MAPRE3: variants seen among roughly 807,000 people sequenced by gnomAD.
The protein encoded by MAPRE3 is microtubule associated protein RP/EB family member 3, also known as microtubule-associated protein RP/EB family member 3.
In MAPRE3, 2 loss-of-function variants were observed where a neutral mutation model predicts 30.5. That is an observed-to-expected ratio of 0.07 (90% CI 0.03 to 0.21). The LOEUF is 0.21. Ranked by LOEUF, MAPRE3 falls within the 10% of genes least tolerant of loss-of-function variation. The probability of loss-of-function intolerance (pLI) is 1.00; values close to 1 mark genes in which losing one functional copy is unlikely to be tolerated. For missense variants in MAPRE3, 204 were observed against 351.8 expected, an observed-to-expected ratio of 0.58 and a Z score of 3.36; for synonymous variants, 110 against 127.7, an observed-to-expected ratio of 0.86 and a Z score of 0.93.
At chr2:27,023,585 G>A in intron 3 of MAPRE3, 108 bp downstream of exon 3, 1 of 1,388,140 alleles carries the variant, frequency 7.2e-7, no homozygotes, top group Non-Finnish European at 1.0e-6. Context: ...CGGTGCTCGT[G>A]CCTCCCTCCA....
chr2:27,024,386 C>A, intron 4 of MAPRE3, 89 bp downstream of exon 4: 1 of 1,201,620 alleles, frequency 8.3e-7, no homozygotes, highest in Middle Eastern at 2.8e-4. Flanking sequence ...ACGGCCCGGC[C>A]CTGCCAGCCT....
chr2:27,006,665 C>A (rs540142500), intron 1 of MAPRE3, among the ~76,000 whole-genome samples: 172 of 152,224 alleles, frequency 1.1e-3, no homozygotes, highest in African/African-American at 3.9e-3. Context: ...AACTCCTGAC[C>A]TCAAGCAGTC....
intron 1 of MAPRE3, among the ~76,000 whole-genome samples, chr2:27,004,841 G>A (rs182474590): frequency 0.021 from 3,155 of 151,730 alleles, 93 homozygotes; most frequent in African/African-American, 0.072. Context: ...TCCTCAGCAG[G>A]ATTTCCGGAT....
chr2:27,017,787 G>A (rs1667020832), intron 1 of MAPRE3, among the ~76,000 whole-genome samples: 1 of 147,656 alleles, frequency 6.8e-6, no homozygotes, highest in Admixed American at 6.8e-5. Flanking sequence ...AATCATCTGG[G>A]CTATTCTTTA....
At chr2:26,977,139 A>T (rs1017618136) in intron 1 of MAPRE3, among the ~76,000 whole-genome samples, 1 of 152,228 alleles carries the variant, frequency 6.6e-6, no homozygotes, top group African/African-American at 2.4e-5. Flanking sequence ...AAAAACATGA[A>T]AAAGATACTA....
chr2:26,995,360 A>C (rs1027610736), intron 1 of MAPRE3: 1 of 151,950 alleles, frequency 6.6e-6, no homozygotes, highest in Non-Finnish European at 1.5e-5. Flanking sequence ...AGTAGTTTCC[A>C]CTCTCCCCTA....
chr2:27,010,134 A>T (rs2148218855), intron 1 of MAPRE3, among the ~76,000 whole-genome samples: 1 of 152,296 alleles, frequency 6.6e-6, no homozygotes, highest in Non-Finnish European at 1.5e-5. Context: ...TAATACAGTA[A>T]TTTTCCACAA....
intron 2 of MAPRE3, 145 bp from the exon 3 acceptor site, chr2:27,023,187 T>C: frequency 2.6e-6 from 2 of 765,490 alleles, no homozygotes; most frequent in Non-Finnish European, 4.0e-6. Context: ...CTGGGGGGAT[T>C]CTGGCCATGT....
chr2:27,012,475 G>A (rs1048054386), intron 1 of MAPRE3: 3 of 152,352 alleles, frequency 2.0e-5, no homozygotes, highest in Middle Eastern at 3.4e-3. Flanking sequence ...CAAAATTGAG[G>A]TAACAACTCA....
intron 1 of MAPRE3, among the ~76,000 whole-genome samples, chr2:26,991,351 T>C (rs1666339130): frequency 6.6e-6 from 1 of 152,150 alleles, no homozygotes; most frequent in African/African-American, 2.4e-5. Flanking sequence ...GGTCAGTTGG[T>C]ATGTCTGGTC....
intron 1 of MAPRE3, among the ~76,000 whole-genome samples, chr2:26,998,669 C>G (rs1666519444): frequency 6.6e-6 from 1 of 152,164 alleles, no homozygotes; most frequent in African/African-American, 2.4e-5. Context: ...AATAGACATA[C>G]TTCTGTGTTA....
chr2:27,025,287 A>G lies in MAPRE3; in HGVS notation c.470-296A>G, dbSNP rs1572776458. Among the ~76,000 whole-genome samples, 4 of 152,024 alleles carry G rather than the reference A, an allele frequency of 2.6e-5. No homozygotes were observed. In the East Asian group the frequency reaches 7.7e-4, roughly 29 times the overall value. On this transcript the variant is annotated intron_variant, in intron 4 of 6. Transcript: ENST00000233121. ...TCTACTTCCCCAAATTTGCGTCCTA[A>G]TTTCTCTCCTCTATCCCTCAGGCCA... is the stretch of plus-strand genomic sequence containing the variant.
rs972575130 is a variant in MAPRE3, at chr2:27,023,380, A to T, written c.170A>T (p.His57Leu). The change falls in exon 3 of 7, where the codon CAC (histidine) becomes CTC (leucine). Residue 57 changes from histidine (H) to leucine (L), a missense_variant. Physicochemically the swap from His to Leu is moderately conservative, Grantham distance 99. This residue lies in a region of MAPRE3 where 101 missense variants were observed against 205.4 expected (regional missense o/e 0.49). Coordinates refer to ENST00000233121, the MANE Select transcript of MAPRE3 (RefSeq NM_012326.4). ...GACATGCTCTTCCCCGGCTGTGTGC[A>T]CTTGAGGAAAGTGAAGTTCCAGGCC... is the stretch of plus-strand genomic sequence containing the variant. The part of the protein sequence containing the change: ...FMDMLFPGCV[H>L]LRKVKFQAKL... The T allele has an allele frequency of 6.2e-7, 1 of 1,613,212 alleles. No individual in the cohort carries two copies. Among genetic ancestry groups the T allele is most frequent in the Non-Finnish European group, 8.5e-7 (1 of 1,179,306 alleles).
chr2:27,013,559 CCCATT>C (rs1372825888), intron 1 of MAPRE3: 1 of 151,936 alleles, frequency 6.6e-6, no homozygotes, highest in Non-Finnish European at 1.5e-5. Flanking sequence ...TTTAACCTCT[CCCATT>C]CATTCATTCA....
intron 1 of MAPRE3, among the ~76,000 whole-genome samples, chr2:26,981,732 C>T (rs552678271): frequency 1.3e-5 from 2 of 152,272 alleles, no homozygotes; most frequent in South Asian, 2.1e-4. Context: ...GGAGCCTCCA[C>T]GTGTCAGCCA....
intron 2 of MAPRE3, among the ~76,000 whole-genome samples, chr2:27,023,100 A>C (rs1667145329): frequency 6.6e-6 from 1 of 152,216 alleles, no homozygotes; most frequent in Non-Finnish European, 1.5e-5. Flanking sequence ...GGATTGCCCT[A>C]CCTACATGCA....
intron 1 of MAPRE3, among the ~76,000 whole-genome samples, chr2:26,994,961 C>A (rs973318594): frequency 2.6e-5 from 4 of 151,910 alleles, no homozygotes; most frequent in African/African-American, 9.7e-5. Context: ...CTCAGCCTCC[C>A]GAGTACCTAG....
intron 1 of MAPRE3, among the ~76,000 whole-genome samples, chr2:27,019,832 AT>A (rs1433933999): frequency 2.6e-5 from 4 of 152,232 alleles, no homozygotes; most frequent in Non-Finnish European, 5.9e-5. Context: ...CAAAGCATTC[AT>A]TTAAGTTAAA....
intron 1 of MAPRE3, among the ~76,000 whole-genome samples, chr2:26,982,710 A>G (rs1283009424): frequency 6.6e-6 from 1 of 152,172 alleles, no homozygotes; most frequent in Non-Finnish European, 1.5e-5. Context: ...TGATTATTTT[A>G]CTACTGTTTA....
Sources: allele counts gnomAD v4.1 joint callset (sites outside exome capture counted in the v4.1 genomes callset), GRCh38; gene constraint gnomAD v4.1.1; regional missense constraint gnomAD v4.1.1; transcripts MANE v1.5; gene names NCBI Gene and HGNC (gene_info 2026-07-23, HGNC 2026-07-21).